The following RIMS1 variants were observed in gnomAD, a reference collection of about 807,000 sequenced individuals.
The protein encoded by RIMS1 is regulating synaptic membrane exocytosis 1.
RIMS1 carries 83 observed loss-of-function variants against 214.1 expected under a neutral mutation model. The observed-to-expected ratio is 0.39, with a 90% CI of 0.32 to 0.47. RIMS1 has a LOEUF of 0.47. Ranked by LOEUF, RIMS1 falls within the 20% of genes least tolerant of loss-of-function variation. The pLI, the probability that RIMS1 is intolerant of heterozygous loss-of-function variation, is 0.99. For synonymous variants in RIMS1, 793 were observed against 786.8 expected (o/e 1.01, Z -0.13); for missense variants, 2,050 against 2,161.8 (o/e 0.95, Z 1.03).
chr6:72,157,086 G>A (rs573417462), intron 4 of RIMS1, among the ~76,000 whole-genome samples: 2 of 140,140 alleles, frequency 1.4e-5, no homozygotes, highest in South Asian at 4.7e-4. Flanking sequence ...AACAGTATAA[G>A]TCTCTGAAGT....
At chr6:72,087,193 C>T (rs1834875939) in intron 2 of RIMS1, among the ~76,000 whole-genome samples, 3 of 152,186 alleles carry the variant, frequency 2.0e-5, no homozygotes, top group Admixed American at 1.3e-4. Context: ...TATTTCTCAA[C>T]ATAGGATCCA....
At chr6:71,947,203 A>G (rs1490363796) in intron 1 of RIMS1, among the ~76,000 whole-genome samples, 1 of 152,106 alleles carries the variant, frequency 6.6e-6, no homozygotes, top group African/African-American at 2.4e-5. Flanking sequence ...ACTATTGGAT[A>G]TATATATCCA....
intron 27 of RIMS1, among the ~76,000 whole-genome samples, chr6:72,309,531 C>T (rs2095408562): frequency 6.6e-6 from 1 of 152,046 alleles, no homozygotes; most frequent in African/African-American, 2.4e-5. Context: ...TAGATTGATT[C>T]AAAGGTCTCC....
At chr6:71,959,443 G>T (rs577989522) in intron 1 of RIMS1, among the ~76,000 whole-genome samples, 1 of 152,208 alleles carries the variant, frequency 6.6e-6, no homozygotes, top group South Asian at 2.1e-4. Flanking sequence ...GTGGGGAAAA[G>T]ACATACTTAC....
intron 1 of RIMS1, among the ~76,000 whole-genome samples, chr6:71,929,114 ACTGT>A (rs1782358081): frequency 1.3e-5 from 2 of 152,116 alleles, no homozygotes; most frequent in South Asian, 4.1e-4. Context: ...TCTGGGTTGC[ACTGT>A]CTATTTTCTG....
chr6:72,285,095 G>C (rs1029847078), intron 24 of RIMS1, among the ~76,000 whole-genome samples: 1 of 152,090 alleles, frequency 6.6e-6, no homozygotes, highest in African/African-American at 2.4e-5. Context: ...AATAAAATTG[G>C]AGAAATTCTG....
rs116083049 is a variant in RIMS1 at position 72,173,731 on chromosome 6, A to C, written c.472-5844A>C. Among the ~76,000 whole-genome samples, 404 of 152,110 alleles carry C rather than the reference A, an allele frequency of 2.7e-3. 2 individuals are homozygous for C. Among genetic ancestry groups the C allele is most frequent in the African/African-American group, 9.5e-3 (394 of 41,502 alleles). ...CTTTCTCTTTAATGTTATAGTTTTT[A>C]TTTTAATAGTTTAGTGTTCCTTGAT... is the stretch of plus-strand genomic sequence containing the variant. On this transcript the variant is annotated intron_variant, in intron 4 of 33. Coordinates refer to ENST00000521978, the MANE Select transcript of RIMS1 (RefSeq NM_014989.7).
intron 1 of RIMS1, among the ~76,000 whole-genome samples, chr6:71,919,689 T>G (rs1779443634): frequency 6.6e-6 from 1 of 151,720 alleles, no homozygotes; most frequent in Non-Finnish European, 1.5e-5. Context: ...TGACGTGGAG[T>G]AGCCAGAGAT....
Position 72,333,642 on chromosome 6 carries a change from A to G in RIMS1, c.4173A>G (p.Ser1391=), listed in dbSNP as rs778244625. The change falls in exon 29 of 34, where the codon TCA becomes TCG. Residue 1391 remains serine (S), a synonymous_variant. Coordinates refer to ENST00000521978, the MANE Select transcript of RIMS1 (RefSeq NM_014989.7). The part of the protein sequence containing the change: ...PKMQGRRMGT[S]GRSIMKSTSV... ...TGCAAGGCAGACGGATGGGGACTTC[A>G]GGAAGATCCATCATGAAGAGCACCA... is the stretch of plus-strand genomic sequence containing the variant. The G allele has an allele frequency of 2.6e-5, 42 of 1,597,300 alleles. No individual in the cohort carries two copies. The highest frequency in any genetic ancestry group is 3.4e-5 in the Non-Finnish European group (40 of 1,171,606).
intron 26 of RIMS1, 33 bp from the exon 27 acceptor site, chr6:72,307,225 G>A (rs1446082899): frequency 7.1e-7 from 1 of 1,416,820 alleles, no homozygotes; most frequent in East Asian, 2.4e-5. Context: ...TTCTTCACAT[G>A]TTTTAATAGG....
chr6:71,984,892 G>A (rs1225281594), intron 2 of RIMS1, among the ~76,000 whole-genome samples: 1 of 151,804 alleles, frequency 6.6e-6, no homozygotes, highest in East Asian at 1.9e-4. Flanking sequence ...TAAAAGGAAA[G>A]TCCAACATCC....
intron 4 of RIMS1, among the ~76,000 whole-genome samples, chr6:72,106,682 CATG>C (rs2034812570): frequency 6.6e-6 from 1 of 152,168 alleles, no homozygotes; most frequent in Non-Finnish European, 1.5e-5. Flanking sequence ...TGCTTTTAGA[CATG>C]GTTAAAACTT....
chr6:72,345,484 T>C (rs1297899267), intron 29 of RIMS1, among the ~76,000 whole-genome samples: 1 of 151,822 alleles, frequency 6.6e-6, no homozygotes, highest in Non-Finnish European at 1.5e-5. Context: ...ATTTGCATTT[T>C]ACAGGTTCCA....
intron 1 of RIMS1, among the ~76,000 whole-genome samples, chr6:71,947,460 A>G (rs1016682982): frequency 9.2e-5 from 14 of 152,176 alleles, no homozygotes; most frequent in African/African-American, 3.1e-4. Flanking sequence ...AAAAAGACAA[A>G]TACCGCATGA....
At position 72,246,014 on chromosome 6, in the gene RIMS1, T is replaced by C. The variant is rs116582840; in HGVS notation, c.2128+153T>C. 4.3e-3 allele frequency among the ~76,000 whole-genome samples: 662 copies of C among 152,258 alleles called. 6 individuals are homozygous for C. The highest frequency in any genetic ancestry group is 0.016 in the African/African-American group (647 of 41,558). ...AGATGTTGGCAATGATGGCAATAAC[T>C]GGAAATCCAAAGAAGTCCTACTTCA... is the stretch of plus-strand genomic sequence containing the variant. On this transcript the variant is annotated intron_variant, in intron 11 of 33. Transcript: ENST00000521978.
rs1163219007 is a variant in RIMS1, at chr6:72,134,219, GT to G, written c.471+34236del. On this transcript the variant is annotated intron_variant, in intron 4 of 33. Coordinates refer to ENST00000521978, the MANE Select transcript of RIMS1 (RefSeq NM_014989.7). ...TAATTTATTCATCAGGTTCCTGGTT[GT>G]TTATAGGGTAATGTTTAAGCCTTAC... Among the ~76,000 whole-genome samples, 5 of 152,078 alleles carry G rather than the reference GT, an allele frequency of 3.3e-5. No homozygotes were observed. The East Asian group carries it at 9.7e-4, about 29-fold the overall frequency.
chr6:72,258,319 A>T (rs1214411631), intron 17 of RIMS1, 38 bp downstream of exon 17: 2 of 1,565,108 alleles, frequency 1.3e-6, no homozygotes, highest in South Asian at 1.2e-5. Context: ...CTGACAGTAC[A>T]TTTTTATTAT....
chr6:71,933,047 G>C (rs1783516217), intron 1 of RIMS1, among the ~76,000 whole-genome samples: 1 of 152,104 alleles, frequency 6.6e-6, no homozygotes, highest in South Asian at 2.1e-4. Context: ...TTGCATTCTA[G>C]TGATTTGTAC....
intron 1 of RIMS1, among the ~76,000 whole-genome samples, chr6:71,955,617 G>T (rs188851373): frequency 6.6e-6 from 1 of 152,136 alleles, no homozygotes; most frequent in Non-Finnish European, 1.5e-5. Flanking sequence ...AGTCCTATCT[G>T]TGTACATATA....
Sources: allele counts gnomAD v4.1 joint callset (sites outside exome capture counted in the v4.1 genomes callset), GRCh38; gene constraint gnomAD v4.1.1; transcripts MANE v1.5; gene names NCBI Gene and HGNC (gene_info 2026-07-23, HGNC 2026-07-21).